The following MPRIP variants were observed in gnomAD, a reference collection of about 807,000 sequenced individuals.
MPRIP encodes the protein myosin phosphatase Rho-interacting protein.
MPRIP carries 59 observed loss-of-function variants against 234.9 expected under a neutral mutation model. The ratio of observed to expected loss-of-function variants is 0.25; its 90% CI spans 0.20 to 0.31. The LOEUF is 0.31. Among genes scored for constraint, MPRIP ranks in the 10% least tolerant of loss-of-function variants. The probability of loss-of-function intolerance (pLI) is 1.00; values close to 1 mark genes in which losing one functional copy is unlikely to be tolerated. For missense variants in MPRIP, 2,436 were observed against 3,071.0 expected, an observed-to-expected ratio of 0.79 and a Z score of 4.89; for synonymous variants, 1,144 against 1,263.9, an observed-to-expected ratio of 0.91 and a Z score of 2.01.
At chr17:17,157,152 C>T (rs2144588505) in intron 13 of MPRIP, among the ~76,000 whole-genome samples, 1 of 152,320 alleles carries the variant, frequency 6.6e-6, no homozygotes, top group East Asian at 1.9e-4. Flanking sequence ...TCAAACACTC[C>T]CAGCCTCCTT....
At chr17:17,141,692 A>T (rs1257245089) in intron 7 of MPRIP, 1 of 152,084 alleles carries the variant, frequency 6.6e-6, no homozygotes, top group African/African-American at 2.4e-5. Flanking sequence ...CAGGCTTGGG[A>T]GCCCTTCACC....
In MPRIP at chr17:17,119,923, T is replaced by C. The variant is rs371539152; in HGVS notation, c.268-6779T>C. The stretch of plus-strand genomic sequence containing the variant: ...ATCATGGTGTGAATGTGGTGTTCCA[T>C]GTGGGCCTTGGTTGGATGAGTTTGT... On this transcript the variant is annotated intron_variant, in intron 3 of 23. Transcript: ENST00000651222. 2.6e-4 allele frequency among the ~76,000 whole-genome samples: 39 copies of C among 152,366 alleles called. No homozygotes were observed. The South Asian group carries it at 3.9e-3, about 15-fold the overall frequency.
intron 1 of MPRIP, among the ~76,000 whole-genome samples, chr17:17,055,854 T>G (rs1479722911): frequency 1.3e-5 from 2 of 152,202 alleles, no homozygotes; most frequent in African/African-American, 4.8e-5. Flanking sequence ...GTTGGTGGTA[T>G]TCATAGCTGA....
At chr17:17,173,368 A>G (rs1020513887) in intron 18 of MPRIP, among the ~76,000 whole-genome samples, 25 of 152,242 alleles carry the variant, frequency 1.6e-4, no homozygotes, top group Non-Finnish European at 8.8e-5. Flanking sequence ...AGCCGAAGCC[A>G]GGGGCCCTGC....
In MPRIP at chr17:17,075,800, G is replaced by T; in HGVS notation, c.201+13G>T. 6.2e-7 allele frequency: 1 copy of T among 1,613,822 alleles called. No homozygotes were observed. Among genetic ancestry groups the T allele is most frequent in the Non-Finnish European group, 8.5e-7 (1 of 1,179,742 alleles). ...GCACCGGTCTCGGGTAAGGGCATCA[G>T]AGCCAACTCTCAGGGAGGAACCAGA... On this transcript the variant is annotated intron_variant, in intron 2 of 23. Coordinates refer to ENST00000651222, the MANE Select transcript of MPRIP (RefSeq NM_001364716.4).
intron 3 of MPRIP, among the ~76,000 whole-genome samples, chr17:17,125,767 T>G (rs1377288539): frequency 1.3e-5 from 2 of 152,172 alleles, no homozygotes. Context: ...ACCCCTCAGA[T>G]GGATCAGAAG....
chr17:17,052,302 A>G (rs2088566171), intron 1 of MPRIP, among the ~76,000 whole-genome samples: 1 of 152,226 alleles, frequency 6.6e-6, no homozygotes, highest in Non-Finnish European at 1.5e-5. Context: ...GCCCCGGGGC[A>G]GATGGGTAGT....
intron 1 of MPRIP, among the ~76,000 whole-genome samples, chr17:17,055,670 C>T (rs1391362893): frequency 1.3e-5 from 2 of 152,222 alleles, no homozygotes; most frequent in African/African-American, 4.8e-5. Context: ...AGACAGCCCA[C>T]TACTTCTCAA....
intron 3 of MPRIP, among the ~76,000 whole-genome samples, chr17:17,093,957 G>A (rs931437133): frequency 2.0e-5 from 3 of 152,130 alleles, no homozygotes; most frequent in African/African-American, 7.2e-5. Flanking sequence ...CACAGAGCTG[G>A]CCGTCCTCAC....
chr17:17,096,745 T>C (rs756465476), intron 3 of MPRIP: 4 of 471,018 alleles, frequency 8.5e-6, no homozygotes, highest in Non-Finnish European at 1.8e-5. Context: ...AGCACTAATA[T>C]ATTTTCCTTT....
intron 1 of MPRIP, among the ~76,000 whole-genome samples, chr17:17,065,873 G>A (rs910520177): frequency 6.6e-6 from 1 of 152,120 alleles, no homozygotes; most frequent in East Asian, 1.9e-4. Flanking sequence ...TACATATTGT[G>A]TGGTATATAC....
chr17:17,080,132 A>T (rs2089429199), intron 3 of MPRIP, among the ~76,000 whole-genome samples: 1 of 152,228 alleles, frequency 6.6e-6, no homozygotes, highest in African/African-American at 2.4e-5. Flanking sequence ...AAACTGACCC[A>T]GTGAGCCCAT....
rs2144744807 is a variant in MPRIP at position 17,188,130 on chromosome 17, T to G, written c.*3236T>G. 6.6e-6 allele frequency: 1 copy of G among 152,242 alleles called. No individual in the cohort carries two copies. Among genetic ancestry groups the G allele is most frequent in the East Asian group, 1.9e-4 (1 of 5,182 alleles). The allele number at this position is 152,242 out of a possible 1,614,324, so 9.4% of individuals were successfully genotyped here. On this transcript the variant is annotated 3_prime_UTR_variant, in exon 24 of 24. Coordinates refer to ENST00000651222, the MANE Select transcript of MPRIP (RefSeq NM_001364716.4). ...CCATGGTGCCCCAGCCCCAGGCAGGTGTGGAGACCAGCATTTCAGAGGACG... is the reference window on the plus strand; with the variant it reads ...CCATGGTGCCCCAGCCCCAGGCAGGGGTGGAGACCAGCATTTCAGAGGACG...
rs2090584653 is a variant in MPRIP at position 17,130,913 on chromosome 17, A to G, written c.420-704A>G. Reference sequence around the variant, plus strand: ...GATCTAGCTCCTGATTTCAGAAATGAGAAGATTGAAGCTCCTAAGGGGCCA... The same window carrying G: ...GATCTAGCTCCTGATTTCAGAAATGGGAAGATTGAAGCTCCTAAGGGGCCA... On this transcript the variant is annotated intron_variant, in intron 4 of 23. Coordinates refer to ENST00000651222, the MANE Select transcript of MPRIP (RefSeq NM_001364716.4). 2.0e-5 allele frequency among the ~76,000 whole-genome samples: 3 copies of G among 152,306 alleles called. No individual in the cohort carries two copies. In the South Asian group the frequency reaches 6.2e-4, roughly 32 times the overall value.
At chr17:17,084,699 C>T (rs1853733290) in intron 3 of MPRIP, among the ~76,000 whole-genome samples, 1 of 152,232 alleles carries the variant, frequency 6.6e-6, no homozygotes, top group South Asian at 2.1e-4. Flanking sequence ...CCAGGCAGGG[C>T]TCTCAGTGTC....
At chr17:17,111,786 C>G (rs189745906) in intron 3 of MPRIP, among the ~76,000 whole-genome samples, 1 of 152,268 alleles carries the variant, frequency 6.6e-6, no homozygotes, top group Non-Finnish European at 1.5e-5. Context: ...CTGGTCAGAC[C>G]TGTGCCCAGT....
Position 17,138,259 on chromosome 17 carries a change from CT to C in MPRIP, c.1083del (p.Phe361LeufsTer61), listed in dbSNP as rs2090746313. 3 of 530,838 alleles carry C rather than the reference CT, an allele frequency of 5.7e-6. No individual in the cohort carries two copies. Among genetic ancestry groups the C allele is most frequent in the African/African-American group, 2.0e-5 (1 of 50,526 alleles). The allele number at this position is 530,838 out of a possible 1,614,324, so 32.9% of individuals were successfully genotyped here. The part of the protein sequence containing the change: ...GRGTERLGSA[F>X]AFKASRQYAT... ...GGGGGACAGAGAGACTGGGGAGCGCCTTTGCCTTTAAAGCCAGCAGGCAATA... is the reference window on the plus strand; with the variant it reads ...GGGGGACAGAGAGACTGGGGAGCGCCTTGCCTTTAAAGCCAGCAGGCAATA... On this transcript the variant is annotated frameshift_variant, in exon 7 of 24. Coordinates refer to ENST00000651222, the MANE Select transcript of MPRIP (RefSeq NM_001364716.4). LOFTEE classifies it high-confidence loss of function. This position sits in a 1 kb window ranked among gnomAD's most constrained non-coding sequence, Gnocchi z 5.8.
intron 12 of MPRIP, among the ~76,000 whole-genome samples, chr17:17,153,095 A>G (rs1171010899): frequency 6.6e-6 from 1 of 152,128 alleles, no homozygotes; most frequent in Non-Finnish European, 1.5e-5. Flanking sequence ...GACCCAGGAG[A>G]AGGTGGTACC....
At chr17:17,143,066 CTCTT>C (rs2045365308) in intron 8 of MPRIP, among the ~76,000 whole-genome samples, 1 of 152,214 alleles carries the variant, frequency 6.6e-6, no homozygotes, top group Non-Finnish European at 1.5e-5. Context: ...ACCTTCCTAA[CTCTT>C]TCTTTCAGTA....
Sources: allele counts gnomAD v4.1 joint callset (sites outside exome capture counted in the v4.1 genomes callset), GRCh38; gene constraint gnomAD v4.1.1; non-coding constraint Gnocchi (gnomAD v3.1); transcripts MANE v1.5; gene names NCBI Gene and HGNC (gene_info 2026-07-23, HGNC 2026-07-21).